Variants in GDAP1 observed in about 807,000 individuals in gnomAD.
The protein encoded by GDAP1 is ganglioside induced differentiation associated protein 1, also known as ganglioside-induced differentiation-associated protein 1.
GDAP1 carries 34 observed loss-of-function variants against 40.1 expected under a neutral mutation model. That is an observed-to-expected ratio of 0.85 (90% confidence interval 0.64 to 1.13). The LOEUF (loss-of-function observed/expected upper bound fraction) is 1.13. Among genes scored for constraint, GDAP1 ranks in the 50% most tolerant of loss-of-function variants. The probability of loss-of-function intolerance (pLI) is 0.00; values close to 1 mark genes in which losing one functional copy is unlikely to be tolerated. For missense variants in GDAP1, 374 were observed against 433.7 expected (o/e 0.86, Z 1.22); for synonymous variants, 170 against 157.4 (o/e 1.08, Z -0.60).
At chr8:74,358,059 G>T (rs1809188208) in intron 2 of GDAP1, among the ~76,000 whole-genome samples, 1 of 152,226 alleles carries the variant, frequency 6.6e-6, no homozygotes. Context: ...CACAAAGAAA[G>T]AGAGATGGGG....
chr8:74,395,593 T>C (rs950547543), intron 2 of GDAP1, among the ~76,000 whole-genome samples: 18 of 152,196 alleles, frequency 1.2e-4, no homozygotes, highest in Non-Finnish European at 1.6e-4. Flanking sequence ...TGCTTTCATA[T>C]GAGTGACACT....
intron 2 of GDAP1, among the ~76,000 whole-genome samples, chr8:74,400,097 G>T (rs1055821372): frequency 3.4e-5 from 5 of 148,528 alleles, no homozygotes; most frequent in African/African-American, 7.9e-5. Flanking sequence ...TCAATTCCTG[G>T]GTATCCTTGT....
In GDAP1 at chr8:74,366,651, G is replaced by A. The variant is rs1188172435; in HGVS notation, c.*2284G>A. On this transcript the variant is annotated 3_prime_UTR_variant, in exon 6 of 6. Coordinates refer to ENST00000220822, the MANE Select transcript of GDAP1 (RefSeq NM_018972.4). ...GGTACTAAAGTTATGTTGGCTTTTT[G>A]TGTCTTAACACACATAAATACTATT... The A allele has an allele frequency of 2.2e-6, 1 of 453,526 alleles. No homozygotes were observed. Among genetic ancestry groups the A allele is most frequent in the Non-Finnish European group, 4.4e-6 (1 of 226,626 alleles). The allele number at this position is 453,526 out of a possible 1,614,324, so 28.1% of individuals were successfully genotyped here. A position where few individuals can be genotyped will look rare whatever the true frequency, so the allele number is the denominator to read the frequency against.
chr8:74,410,902 T>C (rs544683301), intron 2 of GDAP1, among the ~76,000 whole-genome samples: 1 of 150,290 alleles, frequency 6.7e-6, no homozygotes, highest in East Asian at 1.9e-4. Context: ...TTTGGCTGTG[T>C]CCCACCCAAA....
At position 74,412,021 on chromosome 8, in the gene GDAP1, G is replaced by A. The variant is rs749370297; in HGVS notation, c.165+60700G>A. ...CTGTCAGAAATTTGGAAACATTAAGGGTAGTATTTTATTTTGAAAATGTCT... is the reference window on the plus strand; with the variant it reads ...CTGTCAGAAATTTGGAAACATTAAGAGTAGTATTTTATTTTGAAAATGTCT... On this transcript the variant is annotated intron_variant, in intron 2 of 2. Transcript: ENST00000523640. Among the ~76,000 whole-genome samples, 294 of 150,014 alleles carry A rather than the reference G, an allele frequency of 2.0e-3. 5 individuals carry two copies. Among genetic ancestry groups the A allele is most frequent in the Admixed American group, 3.0e-3 (46 of 15,252 alleles).
At position 74,450,763 on chromosome 8, in the gene GDAP1, A is replaced by G. The variant is rs191996105; in HGVS notation, c.166-37915A>G. ...TGCAGCTTTTAGTTTATTTACATTA[A>G]TATAATTACTGATATGTTTGGATTT... On this transcript the variant is annotated intron_variant, in intron 2 of 2. Transcript: ENST00000523640. Among the ~76,000 whole-genome samples the G allele has an allele frequency of 5.4e-4, 44 of 82,170 alleles. 17 individuals are homozygous for G. Among genetic ancestry groups the G allele is most frequent in the African/African-American group, 2.3e-3 (43 of 19,016 alleles). 53.9% of individuals were successfully genotyped at this position (82,170 alleles called of 152,430 possible). A position where few individuals can be genotyped will look rare whatever the true frequency, so the allele number is the denominator to read the frequency against.
At chr8:74,370,842 G>GA (rs1382130519), downstream of GDAP1, among the ~76,000 whole-genome samples, 1 of 152,190 alleles carries the variant, frequency 6.6e-6, no homozygotes, top group African/African-American at 2.4e-5. Flanking sequence ...ATTAATTTCA[G>GA]AAAAAGTGGA....
At chr8:74,425,594 C>T (rs571419277) in intron 2 of GDAP1, among the ~76,000 whole-genome samples, 30 of 152,132 alleles carry the variant, frequency 2.0e-4, no homozygotes, top group African/African-American at 6.5e-4. Flanking sequence ...ATATCAGAAA[C>T]TGCAATATCA....
chr8:74,403,230 A>G (rs1805584737), intron 2 of GDAP1, among the ~76,000 whole-genome samples: 1 of 150,204 alleles, frequency 6.7e-6, no homozygotes, highest in Non-Finnish European at 1.5e-5. Flanking sequence ...TAGATGCTTT[A>G]TCTTAATTGT....
At chr8:74,407,319 A>G (rs1307453977) in intron 2 of GDAP1, among the ~76,000 whole-genome samples, 2 of 149,776 alleles carry the variant, frequency 1.3e-5, no homozygotes, top group East Asian at 1.9e-4. Flanking sequence ...GTTTCTGGCT[A>G]TGTCTGTGAG....
intron 2 of GDAP1, among the ~76,000 whole-genome samples, chr8:74,449,103 C>T (rs1806267026): frequency 6.6e-6 from 1 of 151,802 alleles, no homozygotes; most frequent in Admixed American, 6.6e-5. Context: ...TATTAAAAAA[C>T]CTTTCCTCCC....
intron 2 of GDAP1, among the ~76,000 whole-genome samples, chr8:74,420,942 T>A (rs1033535913): frequency 6.6e-6 from 1 of 152,100 alleles, no homozygotes; most frequent in East Asian, 1.9e-4. Context: ...TTATAAGTAT[T>A]TTTCTTTTCC....
At chr8:74,359,465 T>A (rs1809250554) in intron 2 of GDAP1, among the ~76,000 whole-genome samples, 1 of 152,220 alleles carries the variant, frequency 6.6e-6, no homozygotes, top group Non-Finnish European at 1.5e-5. Context: ...CCAGAGATAA[T>A]TGTTAGAAAT....
chr8:74,419,039 G>A (rs1805822935), intron 2 of GDAP1, among the ~76,000 whole-genome samples: 1 of 152,168 alleles, frequency 6.6e-6, no homozygotes, highest in South Asian at 2.1e-4. Flanking sequence ...ACCAAGTGCG[G>A]GAGAATGCAG....
chr8:74,471,456 TA>T (rs75679991), intron 2 of GDAP1, among the ~76,000 whole-genome samples: 6,353 of 146,602 alleles, frequency 0.043, 240 homozygotes, highest in Admixed American at 0.079. Context: ...CTTTTTTTTT[TA>T]AAAAAAATAA....
intron 2 of GDAP1, among the ~76,000 whole-genome samples, chr8:74,393,415 G>A (rs56730338): frequency 0.025 from 3,786 of 152,272 alleles, 159 homozygotes; most frequent in African/African-American, 0.087. Flanking sequence ...AGATATGAAT[G>A]AAAGCCCTCA....
chr8:74,487,414 T>C (rs572047341), intron 2 of GDAP1, among the ~76,000 whole-genome samples: 3 of 152,324 alleles, frequency 2.0e-5, no homozygotes, highest in Admixed American at 2.0e-4. Flanking sequence ...ATATACTGCC[T>C]CTTAAAAGGG....
downstream of GDAP1, among the ~76,000 whole-genome samples, chr8:74,369,089 C>T (rs1022467635): frequency 6.6e-6 from 1 of 152,084 alleles, no homozygotes; most frequent in Non-Finnish European, 1.5e-5. Flanking sequence ...TCTATGTGCC[C>T]TCCATAACAA....
intron 2 of GDAP1, among the ~76,000 whole-genome samples, chr8:74,446,146 C>A (rs1806223617): frequency 6.6e-6 from 1 of 152,080 alleles, no homozygotes; most frequent in Non-Finnish European, 1.5e-5. Context: ...AGACTGTGAT[C>A]CAAGTTGTGG....
Sources: gnomAD v4.1 joint callset for allele counts (sites outside exome capture counted in the v4.1 genomes callset) on GRCh38, gnomAD v4.1.1 for gene constraint, MANE v1.5 for transcripts, NCBI Gene and HGNC (gene_info 2026-07-23, HGNC 2026-07-21) for gene names.